The following PAX6 variants were observed in gnomAD, a reference collection of about 807,000 sequenced individuals.
The protein encoded by PAX6 is paired box protein Pax-6.
Under a neutral mutation model 60.7 loss-of-function variants are expected in PAX6, and 7 were observed. That is an observed-to-expected ratio of 0.12 (90% CI 0.07 to 0.22). PAX6 has a LOEUF of 0.22. PAX6 is among the 10% of genes least tolerant of loss of function. The pLI, the probability that PAX6 is intolerant of heterozygous loss-of-function variation, is 1.00. For missense variants in PAX6, 355 were observed against 555.2 expected, an observed-to-expected ratio of 0.64 and a Z score of 3.62; for synonymous variants, 208 against 201.2, an observed-to-expected ratio of 1.03 and a Z score of -0.29.
intron 2 of PAX6, 70 bp downstream of exon 2, chr11:31,810,758 G>C (rs765566578): frequency 8.8e-4 from 352 of 398,448 alleles, no homozygotes; most frequent in Non-Finnish European, 1.2e-3. Flanking sequence ...AGGAAGGAAG[G>C]GGGGAGGAAG....
upstream of PAX6, chr11:31,811,502 C>T: frequency 3.3e-6 from 1 of 305,830 alleles, no homozygotes; most frequent in Non-Finnish European, 6.0e-6. Flanking sequence ...GGCGCAGGGC[C>T]CCCGAGCCCG....
chr11:31,805,772 G>C (rs535262604), intron 4 of PAX6: 4 of 153,044 alleles, frequency 2.6e-5, no homozygotes, highest in African/African-American at 9.6e-5. Context: ...TGCCAGGGCA[G>C]GGATTTTCCA....
intron 5 of PAX6, 74 bp from the exon 6 acceptor site, chr11:31,801,986 G>T: frequency 1.6e-6 from 2 of 1,227,390 alleles, no homozygotes; most frequent in South Asian, 1.3e-5. Context: ...AATTACATTT[G>T]TAGCCCTAAA....
upstream of PAX6, chr11:31,815,024 C>CTCTT (rs1957312015): frequency 6.7e-6 from 1 of 149,760 alleles, no homozygotes; most frequent in South Asian, 2.1e-4. Flanking sequence ...CTCTCTCTCT[C>CTCTT]TCTCTTTCTC....
chr11:31,800,447 G>A, intron 8 of PAX6: 3 of 603,286 alleles, frequency 5.0e-6, no homozygotes, highest in Admixed American at 2.5e-5. Context: ...ACACACACAC[G>A]CACCCACCAG....
chr11:31,806,382 G>A lies in PAX6; in HGVS notation c.10+20C>T, dbSNP rs759146764. ...CGCGCACCCCGAGCCCGAAGTCCCA[G>A]AAAGACCAGAGGCACTTACTGTTCT... On this transcript the variant is annotated intron_variant, in intron 4 of 13. Coordinates refer to ENST00000640368, the MANE Select transcript of PAX6 (RefSeq NM_001368894.2). 14 of 1,606,882 alleles carry A rather than the reference G, an allele frequency of 8.7e-6. No homozygotes were observed. In the South Asian group the frequency reaches 1.6e-4, roughly 18 times the overall value.
At chr11:31,815,430 A>G (rs954249784), upstream of PAX6, among the ~76,000 whole-genome samples, 7 of 152,100 alleles carry the variant, frequency 4.6e-5, no homozygotes, top group Admixed American at 3.3e-4. Context: ...TGCCTATTCT[A>G]AAGGCCAACG....
rs1956984405 is a variant in PAX6, at chr11:31,811,209, T to C, written c.-411A>G. The C allele has an allele frequency of 5.0e-6, 2 of 399,308 alleles. No individual in the cohort carries two copies. The highest frequency in any genetic ancestry group is 8.8e-6 in the Non-Finnish European group (2 of 226,252). 24.7% of individuals were successfully genotyped at this position (399,308 alleles called of 1,614,324 possible). On this transcript the variant is annotated 5_prime_UTR_variant, in exon 1 of 14. Transcript: ENST00000640368. ...TCCTCACTGGCCCATTAGCGAAGCC[T>C]GACCTCTGTCATCATCCTCCAGCAA...
intron 2 of PAX6, among the ~76,000 whole-genome samples, chr11:31,808,989 G>A (rs1956474039): frequency 1.3e-5 from 2 of 152,104 alleles, no homozygotes; most frequent in South Asian, 4.1e-4. Flanking sequence ...CCCAGCCTTG[G>A]ACCACAAGAG....
At chr11:31,793,606 A>G (rs771057232) in intron 11 of PAX6, 46 bp downstream of exon 11, 50 of 1,613,810 alleles carry the variant, frequency 3.1e-5, no homozygotes, top group Non-Finnish European at 4.2e-5. Context: ...GCCCGGAGCA[A>G]ACAGGTTTAA....
rs778711468 is a variant in PAX6 at position 31,816,571 on chromosome 11, G to T, written c.-317+1238C>A. 8.5e-6 allele frequency: 6 copies of T among 702,636 alleles called. No homozygotes were observed. The Admixed American group carries it at 1.2e-4, about 14-fold the overall frequency. The allele number at this position is 702,636 out of a possible 1,614,324, so 43.5% of individuals were successfully genotyped here. ...GAGGAGAAGGTCCACTTCCCACTGC[G>T]AAGCAGGCGACCTGCTCGCCGCCCA... On this transcript the variant is annotated intron_variant, in intron 1 of 12. Transcript: ENST00000241001.
intron 4 of PAX6, 45 bp downstream of exon 4, chr11:31,806,357 C>T (rs757469344): frequency 4.4e-6 from 7 of 1,593,714 alleles, no homozygotes; most frequent in Admixed American, 1.7e-5. Context: ...CCCTCGGGTC[C>T]GCGCACCCCG....
intron 7 of PAX6, chr11:31,801,282 A>G (rs1333737889): frequency 7.1e-7 from 1 of 1,399,234 alleles, no homozygotes; most frequent in Non-Finnish European, 9.3e-7. Flanking sequence ...TCTGGTTCTC[A>G]TTTTCCTTCT....
chr11:31,816,738 C>A, intron 1 of PAX6: 1 of 679,834 alleles, frequency 1.5e-6, no homozygotes, highest in Non-Finnish European at 2.7e-6. Flanking sequence ...GGTCCCAACA[C>A]CTGTCACAGG....
At chr11:31,806,274 G>C in intron 4 of PAX6, 128 bp downstream of exon 4, 1 of 1,078,312 alleles carries the variant, frequency 9.3e-7, no homozygotes, top group Non-Finnish European at 1.3e-6. Flanking sequence ...AGCAGCCGCC[G>C]CAGGTCCCCG....
intron 4 of PAX6, chr11:31,806,041 A>G: frequency 3.2e-6 from 1 of 307,898 alleles, no homozygotes; most frequent in South Asian, 1.3e-4. Context: ...CTAGGAGAAG[A>G]CTTCGCCCCG....
upstream of PAX6, among the ~76,000 whole-genome samples, chr11:31,816,111 C>T (rs1422706958): frequency 6.6e-6 from 1 of 152,240 alleles, no homozygotes; most frequent in Non-Finnish European, 1.5e-5. Flanking sequence ...GCGTCCAGCC[C>T]CTGCACGCGC....
At chr11:31,797,869 G>T (rs1038463280) in intron 8 of PAX6, among the ~76,000 whole-genome samples, 1 of 152,126 alleles carries the variant, frequency 6.6e-6, no homozygotes, top group Non-Finnish European at 1.5e-5. Flanking sequence ...GGCCTTCAGT[G>T]GGTGCCGTTC....
intron 4 of PAX6, chr11:31,805,475 G>T (rs1955507361): frequency 6.5e-6 from 1 of 152,722 alleles, no homozygotes; most frequent in African/African-American, 2.4e-5. Flanking sequence ...GTGTGGTTCG[G>T]CCAGGGCAGG....
Sources: allele counts gnomAD v4.1 joint callset (sites outside exome capture counted in the v4.1 genomes callset), GRCh38; gene constraint gnomAD v4.1.1; transcripts MANE v1.5; gene names NCBI Gene and HGNC (gene_info 2026-07-23, HGNC 2026-07-21).